ZNF407: variants seen among roughly 807,000 people sequenced by gnomAD.
The protein encoded by ZNF407 is zinc finger protein 407.
A neutral mutation model predicts 131.2 loss-of-function variants in ZNF407; 17 were observed. That is an observed-to-expected ratio of 0.13 (90% CI 0.09 to 0.19). ZNF407 has a LOEUF of 0.19. ZNF407 is among the 10% of genes least tolerant of loss of function. ZNF407 has a pLI of 1.00. For missense variants in ZNF407, 2,681 were observed against 2,830.6 expected, an observed-to-expected ratio of 0.95 and a Z score of 1.20; for synonymous variants, 1,156 against 1,062.0, an observed-to-expected ratio of 1.09 and a Z score of -1.72.
At chr18:74,666,373 T>C (rs1985931349) in intron 3 of ZNF407, among the ~76,000 whole-genome samples, 1 of 152,136 alleles carries the variant, frequency 6.6e-6, no homozygotes, top group African/African-American at 2.4e-5. Flanking sequence ...GGGCACTCTG[T>C]GTTCAGGTAG....
At chr18:74,766,466 A>T (rs1969235928) in intron 3 of ZNF407, among the ~76,000 whole-genome samples, 4 of 152,156 alleles carry the variant, frequency 2.6e-5, no homozygotes, top group African/African-American at 7.2e-5. Context: ...TCTATGTGGC[A>T]ATGCCTGCGC....
chr18:74,877,075 T>TG (rs1971167752), intron 4 of ZNF407, 122 bp from the exon 5 acceptor site: 4 of 788,602 alleles, frequency 5.1e-6, no homozygotes, highest in Non-Finnish European at 8.6e-6. Flanking sequence ...AGACCAGGCC[T>TG]GCAGTGCTCC....
At chr18:74,779,109 A>ATATATATATATATTTTTTTTT (rs397943457) in intron 3 of ZNF407, among the ~76,000 whole-genome samples, 1 of 24,376 alleles carries the variant, frequency 4.1e-5, no homozygotes, top group African/African-American at 1.4e-4. Flanking sequence ...ATATATATAT[A>ATATATATATATATTTTTTTTT]TTTTTTTTTT....
intron 7 of ZNF407, among the ~76,000 whole-genome samples, chr18:74,918,275 A>G (rs1971799761): frequency 6.6e-6 from 1 of 152,178 alleles, no homozygotes; most frequent in South Asian, 2.1e-4. Flanking sequence ...AAACATACCA[A>G]CATTCTGGCC....
intron 8 of ZNF407, among the ~76,000 whole-genome samples, chr18:75,027,112 G>A (rs371022218): frequency 6.6e-6 from 1 of 152,218 alleles, no homozygotes; most frequent in African/African-American, 2.4e-5. Context: ...TTCTGGAAGT[G>A]CTGTCTGAGG....
intron 8 of ZNF407, among the ~76,000 whole-genome samples, chr18:74,961,420 A>G (rs1485226306): frequency 1.3e-5 from 2 of 152,196 alleles, no homozygotes; most frequent in East Asian, 3.9e-4. Flanking sequence ...ATATGCCACA[A>G]CACAAGTTTA....
At chr18:74,813,040 T>C (rs577635347) in intron 4 of ZNF407, among the ~76,000 whole-genome samples, 1 of 152,196 alleles carries the variant, frequency 6.6e-6, no homozygotes, top group Non-Finnish European at 1.5e-5. Flanking sequence ...TTTTTACTTA[T>C]TTTTACCCTG....
chr18:74,918,686 A>C (rs1971805741), intron 7 of ZNF407, among the ~76,000 whole-genome samples: 1 of 152,150 alleles, frequency 6.6e-6, no homozygotes, highest in Non-Finnish European at 1.5e-5. Flanking sequence ...TAGCTGGGAA[A>C]ATATCTGTTG....
At chr18:74,906,912 TAA>T (rs1470944200) in intron 7 of ZNF407, among the ~76,000 whole-genome samples, 1 of 152,218 alleles carries the variant, frequency 6.6e-6, no homozygotes, top group Non-Finnish European at 1.5e-5. Context: ...ATATATTTTA[TAA>T]GTGCCATAGA....
intron 1 of ZNF407, among the ~76,000 whole-genome samples, chr18:74,630,640 T>TAA (rs2144658869): frequency 6.6e-6 from 1 of 152,230 alleles, no homozygotes; most frequent in East Asian, 1.9e-4. Flanking sequence ...GCTTCTCTTT[T>TAA]TGTTTTTTTT....
At chr18:74,677,732 G>A (rs1358887967) in intron 3 of ZNF407, among the ~76,000 whole-genome samples, 1 of 152,120 alleles carries the variant, frequency 6.6e-6, no homozygotes, top group Non-Finnish European at 1.5e-5. Context: ...GTTTGTTTTT[G>A]ATAGTTCCAA....
At chr18:75,037,329 G>A (rs746664808) in intron 8 of ZNF407, among the ~76,000 whole-genome samples, 68 of 152,138 alleles carry the variant, frequency 4.5e-4, no homozygotes, top group Non-Finnish European at 5.1e-4. Context: ...GTGATGTGCC[G>A]ATGATGCTTT....
chr18:74,783,765 C>A (rs1012336195), intron 4 of ZNF407, among the ~76,000 whole-genome samples: 1 of 152,154 alleles, frequency 6.6e-6, no homozygotes, highest in Non-Finnish European at 1.5e-5. Flanking sequence ...AGCACACCCA[C>A]CTTCTGGATC....
chr18:74,799,531 T>G (rs1969981300), intron 4 of ZNF407, among the ~76,000 whole-genome samples: 2 of 152,140 alleles, frequency 1.3e-5, no homozygotes, highest in Admixed American at 1.3e-4. Flanking sequence ...TAACATTGAT[T>G]TATGTTAGAT....
chr18:74,648,510 G>A (rs186533493), intron 3 of ZNF407, among the ~76,000 whole-genome samples: 1 of 152,298 alleles, frequency 6.6e-6, no homozygotes, highest in Admixed American at 6.5e-5. Context: ...TGTGTAGGCA[G>A]TGAAGAGAGA....
At chr18:74,969,895 C>G (rs937561269) in intron 8 of ZNF407, among the ~76,000 whole-genome samples, 4 of 152,160 alleles carry the variant, frequency 2.6e-5, no homozygotes, top group Non-Finnish European at 5.9e-5. Flanking sequence ...CCCTTCCTTC[C>G]CCACTGTATT....
chr18:74,767,840 G>C (rs145219595), intron 3 of ZNF407, among the ~76,000 whole-genome samples: 1 of 46,052 alleles, frequency 2.2e-5, no homozygotes, highest in African/African-American at 7.2e-5. Context: ...TTTTTTTTTT[G>C]TATTTTTAGT....
intron 8 of ZNF407, among the ~76,000 whole-genome samples, chr18:74,923,544 T>C (rs1055108050): frequency 8.5e-5 from 13 of 152,306 alleles, no homozygotes; most frequent in Middle Eastern, 3.4e-3. Flanking sequence ...CACTGTGTTG[T>C]TCAGATTGTC....
intron 3 of ZNF407, among the ~76,000 whole-genome samples, chr18:74,763,129 T>C (rs1395922144): frequency 1.4e-5 from 2 of 146,304 alleles, no homozygotes; most frequent in African/African-American, 4.9e-5. Flanking sequence ...TTTTATTAGA[T>C]AAGTAGAGGA....
Sources: allele counts gnomAD v4.1 joint callset (sites outside exome capture counted in the v4.1 genomes callset), GRCh38; gene constraint gnomAD v4.1.1; transcripts MANE v1.5; gene names NCBI Gene and HGNC (gene_info 2026-07-23, HGNC 2026-07-21).